Variants in DMD observed in about 807,000 individuals in gnomAD.
DMD encodes the protein mutant dystrophin.
DMD carries 63 observed loss-of-function variants against 330.1 expected under a neutral mutation model. The observed-to-expected ratio is 0.19, with a 90% CI of 0.16 to 0.24. The LOEUF (loss-of-function observed/expected upper bound fraction) is 0.24. Ranked by LOEUF, DMD falls within the 10% of genes least tolerant of loss-of-function variation. The pLI is 1.00. For synonymous variants in DMD, 1,223 were observed against 959.8 expected (o/e 1.27, Z -5.07); for missense variants, 3,344 against 2,684.1 (o/e 1.25, Z -5.43).
At chrX:32,744,095 T>C (rs2069663364) in intron 7 of DMD, among the ~76,000 whole-genome samples, 1 of 110,984 alleles carries the variant, frequency 9.0e-6, no homozygotes, top group Non-Finnish European at 1.9e-5. Flanking sequence ...TCTCACCAGC[T>C]AGTAAGCACA....
chrX:31,468,969 C>G (rs1053005190), intron 59 of DMD, among the ~76,000 whole-genome samples: 1 of 110,972 alleles, frequency 9.0e-6, no homozygotes, highest in Non-Finnish European at 1.9e-5. Context: ...TCTGTTTTGT[C>G]TGAGACTAGG....
At chrX:32,477,125 G>A (rs940411176) in intron 21 of DMD, among the ~76,000 whole-genome samples, 7 of 110,241 alleles carry the variant, frequency 6.3e-5, no homozygotes, top group African/African-American at 9.9e-5. Flanking sequence ...TCTACTATTC[G>A]GCTGCTAAAG....
intron 1 of DMD, among the ~76,000 whole-genome samples, chrX:33,288,580 G>A (rs1296570722): frequency 9.0e-6 from 1 of 110,726 alleles, no homozygotes; most frequent in Non-Finnish European, 1.9e-5. Context: ...ACCTTAGGAT[G>A]AAGTTAAAAC....
chrX:33,011,761 G>C (rs5928146), intron 2 of DMD, among the ~76,000 whole-genome samples: 3,924 of 111,428 alleles, frequency 0.035, 118 homozygotes, highest in East Asian at 0.19. Context: ...AGTGTCAATT[G>C]TTCTTTTCTA....
At chrX:31,982,176 ACTT>A (rs1354748529) in intron 44 of DMD, among the ~76,000 whole-genome samples, 1 of 110,516 alleles carries the variant, frequency 9.0e-6, no homozygotes, top group Non-Finnish European at 1.9e-5. Context: ...CTTAAAAACC[ACTT>A]CTTTTTTTTT....
intron 44 of DMD, among the ~76,000 whole-genome samples, chrX:31,984,897 G>C (rs1053016165): frequency 8.9e-6 from 1 of 111,939 alleles, no homozygotes; most frequent in East Asian, 2.8e-4. Context: ...TCCTGGCCGA[G>C]AGTATGTGGG....
intron 40 of DMD, chrX:32,342,699 A>C: frequency 3.8e-6 from 1 of 264,515 alleles, no homozygotes; most frequent in Admixed American, 6.0e-5. Flanking sequence ...AGCAAAATAA[A>C]AAGTGTAAAA....
intron 9 of DMD, among the ~76,000 whole-genome samples, chrX:32,691,552 C>G (rs1256914837): frequency 2.7e-5 from 3 of 110,889 alleles, no homozygotes; most frequent in Admixed American, 1.9e-4. Flanking sequence ...TATTGTACAC[C>G]GTTGGTGAAG....
At chrX:33,092,153 G>A (rs1181932069) in intron 1 of DMD, among the ~76,000 whole-genome samples, 1 of 111,312 alleles carries the variant, frequency 9.0e-6, no homozygotes, top group Non-Finnish European at 1.9e-5. Flanking sequence ...TATATAAAAG[G>A]ATTCAGTATG....
At chrX:31,912,315 C>T (rs1349508909) in intron 47 of DMD, among the ~76,000 whole-genome samples, 2 of 111,366 alleles carry the variant, frequency 1.8e-5, no homozygotes, top group South Asian at 7.6e-4. Flanking sequence ...GACCGCACGT[C>T]GCACAACCAA....
chrX:31,291,071 T>C (rs1416651656), intron 62 of DMD, among the ~76,000 whole-genome samples: 1 of 112,242 alleles, frequency 8.9e-6, no homozygotes, highest in Admixed American at 9.5e-5. Context: ...AAATGACAAA[T>C]TCATATTTAA....
At chrX:32,419,772 G>A (rs2098182184) in intron 29 of DMD, among the ~76,000 whole-genome samples, 1 of 111,867 alleles carries the variant, frequency 8.9e-6, no homozygotes, top group Admixed American at 9.5e-5. Context: ...GCAGGTTACT[G>A]AAGTTCTTCT....
intron 44 of DMD, among the ~76,000 whole-genome samples, chrX:32,182,094 T>G (rs779945936): frequency 2.7e-5 from 3 of 112,022 alleles, no homozygotes; most frequent in Non-Finnish European, 5.6e-5. Context: ...AGATTTGACA[T>G]ATGAAGTGGT....
intron 9 of DMD, among the ~76,000 whole-genome samples, chrX:32,681,764 T>C (rs2062442088): frequency 1.8e-5 from 2 of 112,048 alleles, no homozygotes; most frequent in South Asian, 3.7e-4. Context: ...AAAAACGACC[T>C]GCAAATATCG....
At chrX:32,587,114 C>A (rs1352248648) in intron 13 of DMD, among the ~76,000 whole-genome samples, 2 of 111,388 alleles carry the variant, frequency 1.8e-5, no homozygotes, top group Non-Finnish European at 3.8e-5. Context: ...CTCATACTAT[C>A]CCGAAGATAT....
rs1286230552 is a variant in DMD at position 32,699,341 on chromosome X, A to G, written c.650-48T>C. 4 of 967,916 alleles carry G rather than the reference A, an allele frequency of 4.1e-6. No individual in the cohort carries two copies. The South Asian group carries it at 5.8e-5, about 14-fold the overall frequency. 79.8% of individuals were successfully genotyped at this position (967,916 alleles called of 1,213,427 possible). A position where few individuals can be genotyped will look rare whatever the true frequency, so the allele number is the denominator to read the frequency against. ...CATCAATTTTTGGTTTCTATATTTG[A>G]GACTCTAAAAGGATAATGAACAAAT... On this transcript the variant is annotated intron_variant, in intron 7 of 78. Coordinates refer to ENST00000357033, the MANE Select transcript of DMD (RefSeq NM_004006.3).
chrX:31,690,886 C>T (rs1388983883), intron 52 of DMD, among the ~76,000 whole-genome samples: 3 of 110,673 alleles, frequency 2.7e-5, no homozygotes, highest in Non-Finnish European at 1.9e-5. Flanking sequence ...CCAAACACCG[C>T]ATGTTCTCAC....
rs1270221178 is a variant in DMD, at chrX:32,434,818, C to T, written c.4071+3423G>A. Among the ~76,000 whole-genome samples the T allele has an allele frequency of 1.3e-4, 15 of 111,708 alleles. No individual in the cohort carries two copies. In the Admixed American group the frequency reaches 1.4e-3, roughly 11 times the overall value. On this transcript the variant is annotated intron_variant, in intron 29 of 78. Transcript: ENST00000357033. ...TGTTTTAATTTAACATTGTATCTTT[C>T]AGGTCTAATCAGCTTATCACAGGCT...
At chrX:32,747,194 A>G (rs1218415858) in intron 7 of DMD, among the ~76,000 whole-genome samples, 4 of 112,393 alleles carry the variant, frequency 3.6e-5, no homozygotes, top group Non-Finnish European at 7.5e-5. Flanking sequence ...GAGAACCTCT[A>G]ATTTGCGCAA....
Sources: gnomAD v4.1 joint callset for allele counts (sites outside exome capture counted in the v4.1 genomes callset) on GRCh38, gnomAD v4.1.1 for gene constraint, MANE v1.5 for transcripts, NCBI Gene and HGNC (gene_info 2026-07-23, HGNC 2026-07-21) for gene names.